NGFR: variants seen among roughly 807,000 people sequenced by gnomAD.
The protein encoded by NGFR is nerve growth factor receptor, also known as tumor necrosis factor receptor superfamily member 16.
NGFR carries 30 observed loss-of-function variants against 43.2 expected under a neutral mutation model. The observed-to-expected ratio is 0.69, with a 90% CI of 0.52 to 0.94. NGFR has a LOEUF of 0.94. Ranked by LOEUF, NGFR falls within the 40% of genes least tolerant of loss-of-function variation. The pLI, the probability that NGFR is intolerant of heterozygous loss-of-function variation, is 0.00. For missense variants in NGFR, 529 were observed against 602.5 expected (o/e 0.88, Z 1.28); for synonymous variants, 246 against 259.6 (o/e 0.95, Z 0.50).
rs1165909528 is a variant in NGFR, at chr17:49,513,113, CA to C, written c.*105del. 5.6e-6 allele frequency: 7 copies of C among 1,243,786 alleles called. No individual in the cohort carries two copies. The African/African-American group carries it at 1.1e-4, about 19-fold the overall frequency. 77.0% of individuals were successfully genotyped at this position (1,243,786 alleles called of 1,614,324 possible). A position where few individuals can be genotyped will look rare whatever the true frequency, so the allele number is the denominator to read the frequency against. ...CACCCTTTGGGGGGGGCCCGCCTGGCAGAACTGAGCTCCTCTGGGCAGGACC... is the reference window on the plus strand; with the variant it reads ...CACCCTTTGGGGGGGGCCCGCCTGGCGAACTGAGCTCCTCTGGGCAGGACC... On this transcript the variant is annotated 3_prime_UTR_variant, in exon 6 of 6. Coordinates refer to ENST00000172229, the MANE Select transcript of NGFR (RefSeq NM_002507.4).
At chr17:49,496,390 G>T (rs900866193) in intron 1 of NGFR, 8 of 152,370 alleles carry the variant, frequency 5.3e-5, no homozygotes, top group African/African-American at 1.7e-4. Flanking sequence ...ACGGCCGGCG[G>T]GCTCCTCCGA....
intron 2 of NGFR, among the ~76,000 whole-genome samples, chr17:49,504,358 G>A (rs898180567): frequency 6.6e-6 from 1 of 152,140 alleles, no homozygotes; most frequent in Admixed American, 6.5e-5. Flanking sequence ...CAGACATCCT[G>A]CCTTTGCTGT....
rs771628841 is a variant in NGFR, at chr17:49,513,017, C to A, written c.*8C>A. The A allele has an allele frequency of 7.8e-4, 1,186 of 1,522,552 alleles. 1 individual carries two copies. Among genetic ancestry groups the A allele is most frequent in the Non-Finnish European group, 9.1e-4 (1,031 of 1,132,718 alleles). 94.3% of individuals were successfully genotyped at this position (1,522,552 alleles called of 1,614,324 possible). On this transcript the variant is annotated 3_prime_UTR_variant, in exon 6 of 6. Coordinates refer to ENST00000172229, the MANE Select transcript of NGFR (RefSeq NM_002507.4). Reference sequence around the variant, plus strand: ...GCCACATCCCCGGTGTGAGCCCAACCGGGGAGCCCCCGCCCCGCCCCACAT... The same window carrying A: ...GCCACATCCCCGGTGTGAGCCCAACAGGGGAGCCCCCGCCCCGCCCCACAT...
intron 4 of NGFR, 171 bp downstream of exon 4, chr17:49,510,835 T>A: frequency 1.3e-6 from 1 of 780,934 alleles, no homozygotes; most frequent in Non-Finnish European, 2.0e-6. Context: ...CAGCAGGAGG[T>A]GAGGGGAGAG....
In NGFR at chr17:49,506,610, G is replaced by A; in HGVS notation, c.520G>A (p.Glu174Lys). The A allele has an allele frequency of 2.5e-6, 4 of 1,601,806 alleles. No individual in the cohort carries two copies. Among genetic ancestry groups the A allele is most frequent in the African/African-American group, 1.3e-5 (1 of 74,640 alleles). ...GCCCTGCACCGTGTGCGAGGACACC[G>A]AGCGCCAGCTCCGCGAGTGCACACG... ...CLPCTVCEDTERQLRECTRWA... is the reference protein window; with the variant it reads ...CLPCTVCEDTKRQLRECTRWA... The change falls in exon 3 of 6, where the codon GAG becomes AAG. Residue 174 changes from glutamate to lysine, a missense_variant. Physicochemically the swap from Glu to Lys is moderately conservative, Grantham distance 56. Coordinates refer to ENST00000172229, the MANE Select transcript of NGFR (RefSeq NM_002507.4).
intron 3 of NGFR, 70 bp from the exon 4 acceptor site, chr17:49,510,342 G>A (rs768097267): frequency 9.3e-5 from 147 of 1,583,400 alleles, no homozygotes; most frequent in Middle Eastern, 5.1e-4. Context: ...GGAAGAACAC[G>A]GCAGTGGGTT....
chr17:49,507,184 C>T (rs2071204903), intron 3 of NGFR, among the ~76,000 whole-genome samples: 1 of 152,096 alleles, frequency 6.6e-6, no homozygotes, highest in Non-Finnish European at 1.5e-5. Flanking sequence ...TGGAACCCAC[C>T]CTGTCCTTGA....
intron 1 of NGFR, 64 bp from the exon 2 acceptor site, chr17:49,501,999 A>AGGGCCCCCCC: frequency 6.0e-6 from 2 of 330,982 alleles, no homozygotes; most frequent in African/African-American, 2.2e-5. Context: ...TCCCCGGAAG[A>AGGGCCCCCCC]ACCCCCCCCA....
chr17:49,501,337 C>G (rs1478890903), intron 1 of NGFR, among the ~76,000 whole-genome samples: 1 of 152,240 alleles, frequency 6.6e-6, no homozygotes, highest in East Asian at 1.9e-4. Flanking sequence ...CTCCCTTTCT[C>G]TCCATCTTGG....
intron 1 of NGFR, among the ~76,000 whole-genome samples, chr17:49,500,053 T>TAA (rs79269804): frequency 9.4e-4 from 124 of 132,264 alleles, no homozygotes; most frequent in African/African-American, 3.3e-3. Flanking sequence ...AAAGCTATAT[T>TAA]AAAAAAAAAA....
chr17:49,512,591 C>T lies in NGFR; in HGVS notation c.983-117C>T. 7.5e-7 allele frequency: 1 copy of T among 1,336,508 alleles called. No individual in the cohort carries two copies. Among genetic ancestry groups the T allele is most frequent in the Non-Finnish European group, 1.0e-6 (1 of 977,734 alleles). The allele number at this position is 1,336,508 out of a possible 1,614,324, so 82.8% of individuals were successfully genotyped here. On this transcript the variant is annotated intron_variant, in intron 5 of 5. Coordinates refer to ENST00000172229, the MANE Select transcript of NGFR (RefSeq NM_002507.4). The surrounding 1 kb of genome is among the most constrained non-coding windows in gnomAD (Gnocchi z 5.2). ...CCCACCCAGGACCTTGTCTTGGCCC[C>T]AGGCCTCCAGATGGGGAGGAGCACT...
At chr17:49,501,999 A>AGGC in intron 1 of NGFR, 64 bp from the exon 2 acceptor site, 2 of 330,984 alleles carry the variant, frequency 6.0e-6, no homozygotes, top group Non-Finnish European at 1.2e-5. Flanking sequence ...TCCCCGGAAG[A>AGGC]ACCCCCCCCA....
rs767381364 is a variant in NGFR, at chr17:49,512,080, G to A, written c.982+28G>A. 5.6e-6 allele frequency: 9 copies of A among 1,606,632 alleles called. No individual in the cohort carries two copies. The highest frequency in any genetic ancestry group is 1.7e-5 in the Admixed American group (1 of 59,310). ...GAGCAGCGGCCCGCTGGGGAGCTGA[G>A]GCGGAGCTGAGGCTGAGGAAACAGA... On this transcript the variant is annotated intron_variant, in intron 5 of 5. Transcript: ENST00000172229. The surrounding 1 kb of genome is among the most constrained non-coding windows in gnomAD (Gnocchi z 5.2).
chr17:49,511,928 C>T lies in NGFR; in HGVS notation c.858C>T (p.Asn286=). 6.2e-7 allele frequency: 1 copy of T among 1,612,264 alleles called. No individual in the cohort carries two copies. The highest frequency in any genetic ancestry group is 8.5e-7 in the Non-Finnish European group (1 of 1,179,186). ...NSCKQNKQGA[N]SRPVNQTPPP... Reference sequence around the variant, plus strand: ...GCAAGCAGAACAAGCAAGGAGCCAACAGCCGGCCAGTGAACCAGACGCCCC... The same window carrying T: ...GCAAGCAGAACAAGCAAGGAGCCAATAGCCGGCCAGTGAACCAGACGCCCC... Residue 286 remains asparagine (N), a synonymous_variant, in exon 5 of 6, where the codon AAC becomes AAT. Coordinates refer to ENST00000172229, the MANE Select transcript of NGFR (RefSeq NM_002507.4).
intron 1 of NGFR, 64 bp from the exon 2 acceptor site, chr17:49,501,999 A>ATGGGGCCCCCCCCCCCC: frequency 1.8e-5 from 6 of 330,972 alleles, no homozygotes; most frequent in South Asian, 4.2e-5. Flanking sequence ...TCCCCGGAAG[A>ATGGGGCCCCCCCCCCCC]ACCCCCCCCA....
intron 3 of NGFR, among the ~76,000 whole-genome samples, chr17:49,510,135 G>A (rs1319906175): frequency 6.6e-6 from 1 of 152,152 alleles, no homozygotes; most frequent in Non-Finnish European, 1.5e-5. Flanking sequence ...AGCCCCATTA[G>A]ATAAATAAGG....
intron 1 of NGFR, chr17:49,497,554 G>T (rs117888013): frequency 1.3e-5 from 2 of 152,428 alleles, no homozygotes; most frequent in African/African-American, 4.8e-5. Flanking sequence ...ACAGGAACCT[G>T]CCGTCTGCAG....
chr17:49,503,527 C>T (rs972688052), intron 2 of NGFR, among the ~76,000 whole-genome samples: 1 of 152,196 alleles, frequency 6.6e-6, no homozygotes, highest in Admixed American at 6.5e-5. Context: ...TCTGAACCCA[C>T]CTGCGGACCT....
intron 1 of NGFR, among the ~76,000 whole-genome samples, chr17:49,500,679 G>A (rs2071162568): frequency 6.6e-6 from 1 of 152,190 alleles, no homozygotes; most frequent in African/African-American, 2.4e-5. Flanking sequence ...GAGGCTCCTG[G>A]TCTGCAGATG....
Sources: gnomAD v4.1 joint callset for allele counts (sites outside exome capture counted in the v4.1 genomes callset) on GRCh38, gnomAD v4.1.1 for gene constraint, Gnocchi (gnomAD v3.1) non-coding constraint, MANE v1.5 for transcripts, NCBI Gene and HGNC (gene_info 2026-07-23, HGNC 2026-07-21) for gene names.